Variants in TAF6L observed in about 807,000 individuals in gnomAD.
TAF6L encodes the protein TATA-box binding protein associated factor 6 like.
Under a neutral mutation model 57.3 loss-of-function variants are expected in TAF6L, and 34 were observed. That is an observed-to-expected ratio of 0.59 (90% CI 0.45 to 0.79). The LOEUF is 0.79. Among genes scored for constraint, TAF6L ranks in the 30% least tolerant of loss-of-function variants. TAF6L has a pLI of 0.00. For missense variants in TAF6L, 782 were observed against 853.2 expected (o/e 0.92, Z 1.04); for synonymous variants, 417 against 376.3 (o/e 1.11, Z -1.25).
Position 62,787,139 on chromosome 11 carries a change from G to A in TAF6L, c.1712G>A (p.Arg571Lys), listed in dbSNP as rs1193741860. The change falls in exon 11 of 11, where the codon AGG becomes AAG. Residue 571 changes from arginine to lysine, a missense_variant. Transcript: ENST00000294168. ...ATCATAGCCGGGCGGCAGGCTGGGAGGCGCTGCCGCGGGCGCCTTTTCCAG... is the reference window on the plus strand; with the variant it reads ...ATCATAGCCGGGCGGCAGGCTGGGAAGCGCTGCCGCGGGCGCCTTTTCCAG... ...RFIIAGRQAG[R>K]RCRGRLFQTA... The A allele has an allele frequency of 3.2e-6, 5 of 1,565,934 alleles. No individual in the cohort carries two copies. The highest frequency in any genetic ancestry group is 1.8e-5 in the Admixed American group (1 of 55,556).
chr11:62,779,873 C>G (rs1421854224), intron 6 of TAF6L, among the ~76,000 whole-genome samples: 1 of 135,468 alleles, frequency 7.4e-6, no homozygotes, highest in African/African-American at 2.7e-5. Context: ...ACCGTGTTGG[C>G]CAGGCTGGTC....
In TAF6L at chr11:62,787,288, C is replaced by T. The variant is rs776962574; in HGVS notation, c.1861C>T (p.Pro621Ser). 1.0e-5 allele frequency: 16 copies of T among 1,543,408 alleles called. No individual in the cohort carries two copies. The highest frequency in any genetic ancestry group is 1.4e-5 in the Non-Finnish European group (16 of 1,152,250). Residue 621 changes from proline (P) to serine (S), a missense_variant, in exon 11 of 11, where the codon CCG (proline) becomes TCG (serine). By Grantham distance (74) the Pro-to-Ser change is moderately conservative. Coordinates refer to ENST00000294168, the MANE Select transcript of TAF6L (RefSeq NM_006473.4). ...WALSDYSLYL[P>S]L The stretch of plus-strand genomic sequence containing the variant: ...GCTCTCGGACTACTCGCTGTACTTG[C>T]CGCTCTGAGTCAGTGGCCCCTTCGT...
chr11:62,777,413 C>G (rs1400008311), intron 3 of TAF6L, among the ~76,000 whole-genome samples: 4 of 152,184 alleles, frequency 2.6e-5, no homozygotes, highest in Non-Finnish European at 2.9e-5. Context: ...CTAGGCCCAG[C>G]CCACCTGGGC....
At chr11:62,784,358 C>G (rs1372346377) in intron 9 of TAF6L, among the ~76,000 whole-genome samples, 4 of 141,142 alleles carry the variant, frequency 2.8e-5, no homozygotes, top group African/African-American at 5.3e-5. Context: ...AGGCTGGAGT[C>G]CAGTGGCGCC....
chr11:62,774,891 C>CAAAAA, intron 1 of TAF6L, among the ~76,000 whole-genome samples: 1 of 84,626 alleles, frequency 1.2e-5, no homozygotes, highest in Non-Finnish European at 2.5e-5. Flanking sequence ...AACTCCGTCT[C>CAAAAA]AAAAAAAAAA....
chr11:62,772,960 C>T (rs1161252880), intron 1 of TAF6L, among the ~76,000 whole-genome samples: 1 of 151,548 alleles, frequency 6.6e-6, no homozygotes, highest in Non-Finnish European at 1.5e-5. Flanking sequence ...TCACTGCAGC[C>T]TCTGCCTCCT....
intron 1 of TAF6L, among the ~76,000 whole-genome samples, chr11:62,774,155 C>T (rs7935682): frequency 0.025 from 3,864 of 152,048 alleles, 68 homozygotes; most frequent in Non-Finnish European, 0.039. Flanking sequence ...CGGCTCACTG[C>T]AATCTCCGCC....
At position 62,786,914 on chromosome 11, in the gene TAF6L, C is replaced by G. The variant is rs762995963; in HGVS notation, c.1487C>G (p.Pro496Arg). 1 of 1,499,430 alleles carries G rather than the reference C, an allele frequency of 6.7e-7. No homozygotes were observed. Among genetic ancestry groups the G allele is most frequent in the South Asian group, 1.2e-5 (1 of 80,398 alleles). The allele number at this position is 1,499,430 out of a possible 1,614,324, so 92.9% of individuals were successfully genotyped here. A position where few individuals can be genotyped will look rare whatever the true frequency, so the allele number is the denominator to read the frequency against. Residue 496 changes from proline to arginine, a missense_variant, in exon 11 of 11, where the codon CCG becomes CGG. Coordinates refer to ENST00000294168, the MANE Select transcript of TAF6L (RefSeq NM_006473.4). ...CTGACGGCAAGCGCCATAGTCAGCC[C>G]GCACGGCGACGAGAGCCCCCGGGGC... ...PQLTASAIVSPHGDESPRGSG... is the reference protein window; with the variant it reads ...PQLTASAIVSRHGDESPRGSG...
intron 1 of TAF6L, chr11:62,772,278 T>C (rs2084154375): frequency 2.7e-6 from 1 of 373,300 alleles, no homozygotes; most frequent in Non-Finnish European, 5.4e-6. Flanking sequence ...TCCTAGCACT[T>C]TGGGAGGCCG....
intron 1 of TAF6L, chr11:62,774,754 G>C: frequency 2.4e-6 from 1 of 414,042 alleles, no homozygotes; most frequent in Non-Finnish European, 5.0e-6. Context: ...CTACTATCCA[G>C]CCTGGCCAAC....
intron 1 of TAF6L, among the ~76,000 whole-genome samples, chr11:62,775,191 TG>T (rs1283900997): frequency 6.6e-6 from 1 of 152,102 alleles, no homozygotes; most frequent in African/African-American, 2.4e-5. Flanking sequence ...TCTTTCTTCA[TG>T]TGGCTGCAGC....
rs373664190 is a variant in TAF6L at position 62,778,065 on chromosome 11, A to T, written c.322A>T (p.Asn108Tyr). 3.7e-6 allele frequency: 6 copies of T among 1,614,026 alleles called. No individual in the cohort carries two copies. The highest frequency in any genetic ancestry group is 4.5e-5 in the East Asian group (2 of 44,848). Reference sequence around the variant, plus strand: ...CTACTTTCCTGAGGATCGAGAGGTGAACCTGGTGGAGCTGGCCCTGGCTAC... The same window carrying T: ...CTACTTTCCTGAGGATCGAGAGGTGTACCTGGTGGAGCTGGCCCTGGCTAC... ...ELYFPEDREV[N>Y]LVELALATNI... Residue 108 changes from asparagine (N) to tyrosine (Y), a missense_variant, in exon 4 of 11, where the codon AAC (asparagine) becomes TAC (tyrosine). By Grantham distance (143) the Asn-to-Tyr change is moderately radical. Around this residue, in one of 3 missense-constraint regions of TAF6L, gnomAD observed 220 missense variants for 252.1 expected, o/e 0.87. Coordinates refer to ENST00000294168, the MANE Select transcript of TAF6L (RefSeq NM_006473.4).
chr11:62,779,895 A>G (rs910803348), intron 6 of TAF6L, among the ~76,000 whole-genome samples: 5 of 139,520 alleles, frequency 3.6e-5, no homozygotes, highest in Admixed American at 2.2e-4. Flanking sequence ...CAAACTCCTG[A>G]CCTCAGGTGA....
chr11:62,777,098 G>A (rs2084193534), intron 3 of TAF6L, among the ~76,000 whole-genome samples: 1 of 151,752 alleles, frequency 6.6e-6, no homozygotes, highest in Admixed American at 6.6e-5. Context: ...AGTGAGCTGA[G>A]ATTGTGCCAC....
At chr11:62,782,062 G>T (rs577691534) in intron 7 of TAF6L, 51 bp from the exon 8 acceptor site, 1 of 1,588,702 alleles carries the variant, frequency 6.3e-7, no homozygotes, top group Non-Finnish European at 8.6e-7. Context: ...AGAATGGTGG[G>T]CTCCTGCCTG....
At position 62,786,749 on chromosome 11, in the gene TAF6L, A is replaced by G. The variant is rs747328977; in HGVS notation, c.1322A>G (p.Tyr441Cys). 1 of 1,612,996 alleles carries G rather than the reference A, an allele frequency of 6.2e-7. No individual in the cohort carries two copies. Among genetic ancestry groups the G allele is most frequent in the Non-Finnish European group, 8.5e-7 (1 of 1,179,854 alleles). ...PSLSVTLADI[Y>C]RELYAFFGDS... ...CTTTCGGTGACCCTGGCCGACATCT[A>G]CCGGGAGCTCTACGCCTTCTTCGGT... is the stretch of plus-strand genomic sequence containing the variant. Residue 441 changes from tyrosine to cysteine, a missense_variant, in exon 11 of 11, where the codon TAC becomes TGC. Physicochemically the swap from Tyr to Cys is radical, Grantham distance 194 (BLOSUM62 -2). Coordinates refer to ENST00000294168, the MANE Select transcript of TAF6L (RefSeq NM_006473.4).
chr11:62,780,579 C>T (rs1443356460), intron 6 of TAF6L, among the ~76,000 whole-genome samples: 2 of 150,698 alleles, frequency 1.3e-5, no homozygotes, highest in East Asian at 2.0e-4. Context: ...CAAAGAAAAA[C>T]GAAAAAGTAA....
At chr11:62,780,004 G>C (rs2084216908) in intron 6 of TAF6L, among the ~76,000 whole-genome samples, 1 of 125,064 alleles carries the variant, frequency 8.0e-6, no homozygotes. Context: ...TTTAGAGACA[G>C]GGTCTCACTG....
rs1418092450 is a variant in TAF6L at position 62,787,252 on chromosome 11, C to G, written c.1825C>G (p.Arg609Gly). The G allele has an allele frequency of 1.9e-6, 3 of 1,566,544 alleles. No individual in the cohort carries two copies. The East Asian group carries it at 7.0e-5, about 37-fold the overall frequency. Residue 609 changes from arginine to glycine, a missense_variant, in exon 11 of 11, where the codon CGC becomes GGC. By Grantham distance (125) the Arg-to-Gly change is moderately radical. Around this residue, in one of 3 missense-constraint regions of TAF6L, gnomAD observed 483 missense variants for 445.1 expected, o/e 1.09. Transcript: ENST00000294168. Reference sequence around the variant, plus strand: ...GATCGGCCGTACCAGCCGCCCCGCCCGCCGGTGGGCGCTCTCGGACTACTC... The same window carrying G: ...GATCGGCCGTACCAGCCGCCCCGCCGGCCGGTGGGCGCTCTCGGACTACTC... ...PMIGRTSRPARRWALSDYSLY... is the reference protein window; with the variant it reads ...PMIGRTSRPAGRWALSDYSLY...
Sources: allele counts gnomAD v4.1 joint callset (sites outside exome capture counted in the v4.1 genomes callset), GRCh38; gene constraint gnomAD v4.1.1; regional missense constraint gnomAD v4.1.1; transcripts MANE v1.5; gene names NCBI Gene and HGNC (gene_info 2026-07-23, HGNC 2026-07-21).